WDR3: variants seen among roughly 807,000 people sequenced by gnomAD.
The protein encoded by WDR3 is WD repeat domain 3.
In WDR3, 81 loss-of-function variants were observed where a neutral mutation model predicts 123.7. That is an observed-to-expected ratio of 0.65 (90% CI 0.55 to 0.79). The LOEUF is 0.79. Ranked by LOEUF, WDR3 falls within the 30% of genes least tolerant of loss-of-function variation. The probability of loss-of-function intolerance (pLI) is 0.00; values close to 1 mark genes in which losing one functional copy is unlikely to be tolerated. For synonymous variants in WDR3, 390 were observed against 388.8 expected (o/e 1.00, Z -0.04); for missense variants, 1,027 against 1,123.2 (o/e 0.91, Z 1.22).
chr1:117,930,328 T>C (rs1028682141), intron 1 of WDR3, among the ~76,000 whole-genome samples: 1 of 152,156 alleles, frequency 6.6e-6, no homozygotes, highest in Admixed American at 6.5e-5. Flanking sequence ...GCTGCTAGAA[T>C]TGGGCTTACT....
chr1:117,946,065 T>A (rs1401924696), intron 11 of WDR3, 21 bp from the exon 12 acceptor site: 1 of 1,583,242 alleles, frequency 6.3e-7, no homozygotes, highest in Admixed American at 1.8e-5. Flanking sequence ...ACATGAGTTC[T>A]TTATTTTTTC....
At chr1:117,933,568 GATTT>G (rs1650810568) in intron 2 of WDR3, 78 bp downstream of exon 2, 2 of 1,578,562 alleles carry the variant, frequency 1.3e-6, no homozygotes, top group African/African-American at 2.7e-5. Context: ...GGGGGGCTCT[GATTT>G]ATTTATCATG....
intron 11 of WDR3, among the ~76,000 whole-genome samples, chr1:117,944,049 C>T (rs1466060587): frequency 3.9e-5 from 6 of 152,160 alleles, no homozygotes; most frequent in Admixed American, 3.9e-4. Context: ...TATCTCCCAC[C>T]TTAAAGGAAA....
At chr1:117,933,907 T>C (rs1650826725) in intron 2 of WDR3, among the ~76,000 whole-genome samples, 1 of 152,232 alleles carries the variant, frequency 6.6e-6, no homozygotes, top group Admixed American at 6.5e-5. Flanking sequence ...GCCCAAGTGT[T>C]GTTAAAGTAG....
At chr1:117,933,897 GCCC>G (rs1461722387) in intron 2 of WDR3, among the ~76,000 whole-genome samples, 3 of 152,200 alleles carry the variant, frequency 2.0e-5, no homozygotes, top group Non-Finnish European at 4.4e-5. Context: ...TATGGATAAT[GCCC>G]AAGTGTTGTT....
chr1:117,955,889 T>A (rs1490466924), intron 24 of WDR3, among the ~76,000 whole-genome samples: 1 of 152,162 alleles, frequency 6.6e-6, no homozygotes, highest in East Asian at 1.9e-4. Flanking sequence ...TATATCTTTG[T>A]CATCATTATT....
At position 117,954,041 on chromosome 1, in the gene WDR3, G is replaced by A. The variant is rs772217516; in HGVS notation, c.2303G>A (p.Arg768Gln). The A allele has an allele frequency of 4.3e-6, 7 of 1,612,150 alleles. No homozygotes were observed. Among genetic ancestry groups the A allele is most frequent in the Non-Finnish European group, 5.9e-6 (7 of 1,178,854 alleles). The change falls in exon 22 of 27, where the codon CGA becomes CAA. Residue 768 changes from arginine (R) to glutamine (Q), a missense_variant. Physicochemically the swap from Arg to Gln is conservative, Grantham distance 43. Coordinates refer to ENST00000349139, the MANE Select transcript of WDR3 (RefSeq NM_006784.3). Reference sequence around the variant, plus strand: ...ATTATGGAGGCTATTGAGTTGTACCGAGAAGAAACTGCAAAAATGAAGGAA... The same window carrying A: ...ATTATGGAGGCTATTGAGTTGTACCAAGAAGAAACTGCAAAAATGAAGGAA... ...ERIMEAIELY[R>Q]EETAKMKEHK... is the part of the protein sequence containing the mutation.
chr1:117,945,026 T>C (rs1651318642), intron 11 of WDR3, among the ~76,000 whole-genome samples: 1 of 152,122 alleles, frequency 6.6e-6, no homozygotes, highest in Non-Finnish European at 1.5e-5. Context: ...ATTCATCCAA[T>C]CTATTAGCAA....
At position 117,958,980 on chromosome 1, in the gene WDR3, A is replaced by G. The variant is rs992489735; in HGVS notation, c.2653A>G (p.Ile885Val). Reference sequence around the variant, plus strand: ...GATAGAAAAATTAAGGGAAACAACTATTTCAAAAGTCAGCCAAGTCCGGGT... The same window carrying G: ...GATAGAAAAATTAAGGGAAACAACTGTTTCAAAAGTCAGCCAAGTCCGGGT... ...PVIEKLRETT[I>V]SKVSQVRDVI... Residue 885 changes from isoleucine to valine, a missense_variant, in exon 26 of 27, where the codon ATT (isoleucine) becomes GTT (valine). Transcript: ENST00000349139. The G allele has an allele frequency of 6.2e-7, 1 of 1,614,042 alleles. No homozygotes were observed.
rs1001339277 is a variant in WDR3 at position 117,952,020 on chromosome 1, A to G, written c.1848A>G (p.Lys616=). The change falls in exon 17 of 27, where the codon AAA becomes AAG. Residue 616 remains lysine (K), a synonymous_variant. Transcript: ENST00000349139. ...CTGGCTCCGCTGATAGGAATGTGAA[A>G]ATCTGGGGTTTGGACTTTGGGGACT... ...IATGSADRNV[K]IWGLDFGDCH... 2 of 1,613,490 alleles carry G rather than the reference A, an allele frequency of 1.2e-6. No homozygotes were observed. Among genetic ancestry groups the G allele is most frequent in the African/African-American group, 1.3e-5 (1 of 75,014 alleles).
At chr1:117,931,136 T>C (rs1650702504) in intron 1 of WDR3, among the ~76,000 whole-genome samples, 1 of 152,166 alleles carries the variant, frequency 6.6e-6, no homozygotes, top group African/African-American at 2.4e-5. Context: ...GTTCTTGCTG[T>C]GTTGCCTATG....
chr1:117,961,249 A>G lies in WDR3; in HGVS notation c.*1802A>G, dbSNP rs1653057030. Reference sequence around the variant, plus strand: ...AGTTAGCCAAGACAGTGCCACCAGCATTCCAGCCTGGGCAACACAGTGAGA... The same window carrying G: ...AGTTAGCCAAGACAGTGCCACCAGCGTTCCAGCCTGGGCAACACAGTGAGA... On this transcript the variant is annotated 3_prime_UTR_variant, in exon 27 of 27. Transcript: ENST00000349139. 1 of 152,246 alleles carries G rather than the reference A, an allele frequency of 6.6e-6. No homozygotes were observed. The highest frequency in any genetic ancestry group is 1.5e-5 in the Non-Finnish European group (1 of 68,064). The allele number at this position is 152,246 out of a possible 1,614,324, so 9.4% of individuals were successfully genotyped here. A position where few individuals can be genotyped will look rare whatever the true frequency, so the allele number is the denominator to read the frequency against.
rs1172449194 is a variant in WDR3 at position 117,943,586 on chromosome 1, G to C, written c.1288G>C (p.Val430Leu). 6.2e-7 allele frequency: 1 copy of C among 1,614,026 alleles called. No homozygotes were observed. Among genetic ancestry groups the C allele is most frequent in the Non-Finnish European group, 8.5e-7 (1 of 1,180,034 alleles). ...TLSFSSDNIA[V>L]LSAAADSIKI... The stretch of plus-strand genomic sequence containing the variant: ...GTCATTCAGCTCAGACAATATTGCT[G>C]TTCTTTCAGCTGCAGCTGATTCCAT... The change falls in exon 11 of 27, where the codon GTT (valine) becomes CTT (leucine). Residue 430 changes from valine to leucine, a missense_variant. By Grantham distance (32) the Val-to-Leu change is conservative (BLOSUM62 1). Coordinates refer to ENST00000349139, the MANE Select transcript of WDR3 (RefSeq NM_006784.3).
At chr1:117,954,736 T>C in intron 23 of WDR3, 109 bp downstream of exon 23, 3 of 1,161,350 alleles carry the variant, frequency 2.6e-6, no homozygotes, top group Non-Finnish European at 3.7e-6. Context: ...GGGAATACTT[T>C]GTCTTCAAAA....
chr1:117,957,761 C>G (rs1218114764), intron 25 of WDR3, among the ~76,000 whole-genome samples: 1 of 152,142 alleles, frequency 6.6e-6, no homozygotes, highest in Non-Finnish European at 1.5e-5. Flanking sequence ...GACGGTTCTT[C>G]CAGTGTGGCC....
chr1:117,949,687 G>A, intron 13 of WDR3, 64 bp from the exon 14 acceptor site: 3 of 1,540,032 alleles, frequency 1.9e-6, no homozygotes, highest in South Asian at 1.2e-5. Context: ...CTTTTAAAAT[G>A]TATCTTCATA....
intron 21 of WDR3, 188 bp from the exon 22 acceptor site, chr1:117,953,819 C>T (rs1651769292): frequency 1.6e-6 from 1 of 610,052 alleles, no homozygotes; most frequent in Non-Finnish European, 2.8e-6. Flanking sequence ...TCAGTCTCTT[C>T]CCTGTACATT....
chr1:117,950,819 T>C lies in WDR3; in HGVS notation c.1747-15T>C. 1 of 1,601,028 alleles carries C rather than the reference T, an allele frequency of 6.2e-7. No individual in the cohort carries two copies. Among genetic ancestry groups the C allele is most frequent in the Non-Finnish European group, 8.5e-7 (1 of 1,173,886 alleles). On this transcript the variant is annotated splice_polypyrimidine_tract_variant and intron_variant, in intron 15 of 26. Transcript: ENST00000349139. ...TTTTATAGACAGACATTAATTATGT[T>C]TTTTTGATGTTTAGTTTTTTCTGTC... is the stretch of plus-strand genomic sequence containing the variant.
At chr1:117,931,009 G>T (rs1450235678) in intron 1 of WDR3, among the ~76,000 whole-genome samples, 1 of 152,192 alleles carries the variant, frequency 6.6e-6, no homozygotes, top group Non-Finnish European at 1.5e-5. Context: ...GTGCAGTGGC[G>T]TGATCATAGC....
Sources: allele counts gnomAD v4.1 joint callset (sites outside exome capture counted in the v4.1 genomes callset), GRCh38; gene constraint gnomAD v4.1.1; transcripts MANE v1.5; gene names NCBI Gene and HGNC (gene_info 2026-07-23, HGNC 2026-07-21).